Variants in SNRPD3 observed in about 807,000 individuals in gnomAD.
SNRPD3 encodes small nuclear ribonucleoprotein Sm D3.
For missense variants in SNRPD3, 73 were observed against 167.5 expected (o/e 0.44, Z 3.11); for synonymous variants, 66 against 58.4 (o/e 1.13, Z -0.59).
intron 2 of SNRPD3, among the ~76,000 whole-genome samples, chr22:24,560,119 CCTTGCTCTGTCACCCAGGCTGCAGT>C: frequency 1.0e-5 from 1 of 100,228 alleles, no homozygotes; most frequent in Non-Finnish European, 1.9e-5. Context: ...TGAGATGGAG[CCTTGCTCTGTCACCCAGGCTGCAGT>C]CTTGCTCTGT....
chr22:24,561,663 T>C (rs929340842), intron 2 of SNRPD3, among the ~76,000 whole-genome samples: 10 of 152,180 alleles, frequency 6.6e-5, no homozygotes, highest in Admixed American at 5.9e-4. Context: ...AATGAGAACA[T>C]CCTCTTAGCA....
In SNRPD3 at chr22:24,559,382, C is replaced by T. The variant is rs62231172; in HGVS notation, c.126+1582C>T. The stretch of plus-strand genomic sequence containing the variant: ...GTCCTCTGGCTTAAGGCATGCTCAT[C>T]CACTTTAAGGTTCTTTAATTTGGTG... On this transcript the variant is annotated intron_variant, in intron 2 of 3. Coordinates refer to ENST00000215829, the MANE Select transcript of SNRPD3 (RefSeq NM_004175.5). Among the ~76,000 whole-genome samples, 1,374 of 152,268 alleles carry T rather than the reference C, an allele frequency of 9.0e-3. 10 individuals are homozygous for T. The highest frequency in any genetic ancestry group is 0.018 in the South Asian group (88 of 4,830).
At chr22:24,565,176 T>C (rs182099597) in intron 2 of SNRPD3, among the ~76,000 whole-genome samples, 140 of 152,124 alleles carry the variant, frequency 9.2e-4, no homozygotes, top group African/African-American at 3.3e-3. Context: ...TGAACCACTG[T>C]ACCTGGCCTG....
rs371010665 is a variant in SNRPD3, at chr22:24,564,883, C to CTTTTTTTT, written c.127-3101_127-3100insTTTTTTTT. ...GCATTTAGACATACTTTGCCTTGTTCATTTTTTTTTTTTTTTTTTTGACAG... is the reference window on the plus strand; with the variant it reads ...GCATTTAGACATACTTTGCCTTGTTCTTTTTTTTATTTTTTTTTTTTTTTTTTTGACAG... On this transcript the variant is annotated intron_variant, in intron 2 of 3. Transcript: ENST00000215829. 2.4e-5 allele frequency among the ~76,000 whole-genome samples: 3 copies of CTTTTTTTT among 127,164 alleles called. 1 individual carries two copies. The allele number at this position is 127,164 out of a possible 152,430, so 83.4% of individuals were successfully genotyped here.
chr22:24,570,913 G>C (rs969907910), intron 3 of SNRPD3, among the ~76,000 whole-genome samples: 1 of 148,998 alleles, frequency 6.7e-6, no homozygotes, highest in Non-Finnish European at 1.5e-5. Flanking sequence ...CCAACTCCCA[G>C]GTTCAAGTGA....
chr22:24,562,631 A>G (rs995522938), intron 2 of SNRPD3, among the ~76,000 whole-genome samples: 6 of 152,064 alleles, frequency 3.9e-5, no homozygotes, highest in African/African-American at 1.4e-4. Flanking sequence ...GGATCACTTG[A>G]GCCCACCCAG....
chr22:24,562,549 A>G (rs2045153748), intron 2 of SNRPD3, among the ~76,000 whole-genome samples: 1 of 151,726 alleles, frequency 6.6e-6, no homozygotes, highest in Admixed American at 6.6e-5. Flanking sequence ...ATCTCCAAAA[A>G]TAAAAAATAT....
intron 2 of SNRPD3, among the ~76,000 whole-genome samples, chr22:24,563,248 G>GTA (rs1490042128): frequency 6.5e-3 from 45 of 6,882 alleles, no homozygotes; most frequent in Non-Finnish European, 0.02. Context: ...GTGTGTATGT[G>GTA]TGTATGTATG....
chr22:24,562,056 C>T (rs1422619189), intron 2 of SNRPD3, among the ~76,000 whole-genome samples: 3 of 152,100 alleles, frequency 2.0e-5, no homozygotes, highest in Non-Finnish European at 1.5e-5. Flanking sequence ...GAGGATCTCA[C>T]TCTGTTGCCC....
chr22:24,568,868 T>C (rs1160629181), intron 3 of SNRPD3, among the ~76,000 whole-genome samples: 1 of 152,188 alleles, frequency 6.6e-6, no homozygotes, highest in East Asian at 1.9e-4. Flanking sequence ...TTTTATTTTA[T>C]TTATTTATTT....
Position 24,572,184 on chromosome 22 carries a change from A to C in SNRPD3, c.*207A>C. The C allele has an allele frequency of 9.5e-7, 1 of 1,054,954 alleles. No homozygotes were observed. The highest frequency in any genetic ancestry group is 1.4e-6 in the Non-Finnish European group (1 of 717,338). 65.3% of individuals were successfully genotyped at this position (1,054,954 alleles called of 1,614,324 possible). The stretch of plus-strand genomic sequence containing the variant: ...AAATAAGGACTTTGTGTTCATTTGA[A>C]GTTTGCTTTGGCTAAATTTTGACAC... On this transcript the variant is annotated 3_prime_UTR_variant, in exon 4 of 4. Transcript: ENST00000215829.
In SNRPD3 at chr22:24,573,011, C is replaced by T. The variant is rs979843895; in HGVS notation, c.*1034C>T. On this transcript the variant is annotated 3_prime_UTR_variant, in exon 4 of 4. Transcript: ENST00000215829. The stretch of plus-strand genomic sequence containing the variant: ...GTTTGAGAGGAGTTCAAAACCAGCC[C>T]GCGAGACATAGTGAGACCCTGTCTC... Among the ~76,000 whole-genome samples the T allele has an allele frequency of 2.6e-5, 4 of 151,928 alleles. No homozygotes were observed. Among genetic ancestry groups the T allele is most frequent in the Non-Finnish European group, 4.4e-5 (3 of 68,000 alleles).
chr22:24,570,226 T>C (rs752225646), intron 3 of SNRPD3, among the ~76,000 whole-genome samples: 1 of 152,220 alleles, frequency 6.6e-6, no homozygotes. Flanking sequence ...GGTCCTGCCT[T>C]GGGCAGGTGA....
chr22:24,563,206 A>ATGTGTGTGTGTGTGTG (rs1177387267), intron 2 of SNRPD3, among the ~76,000 whole-genome samples: 20 of 106,258 alleles, frequency 1.9e-4, no homozygotes, highest in African/African-American at 5.0e-4. Context: ...TGTCTCATAT[A>ATGTGTGTGTGTGTGTG]TGTGTGTGTG....
At chr22:24,561,263 G>A (rs560060736) in intron 2 of SNRPD3, among the ~76,000 whole-genome samples, 5 of 151,462 alleles carry the variant, frequency 3.3e-5, no homozygotes, top group African/African-American at 1.2e-4. Flanking sequence ...TTGTAGAGAC[G>A]GAGTCTTGAT....
intron 3 of SNRPD3, 112 bp downstream of exon 3, chr22:24,568,288 A>G: frequency 1.4e-6 from 1 of 692,880 alleles, no homozygotes; most frequent in Non-Finnish European, 2.4e-6. Context: ...CTCTCTCCAC[A>G]CCCACCACCC....
rs775955506 is a variant in SNRPD3, at chr22:24,573,931, A to T, written c.*1954A>T. The stretch of plus-strand genomic sequence containing the variant: ...GTTTTCAACATCAACTAAGGATCTT[A>T]TTAGAAATGAAGACTGCAAGCCGCA... On this transcript the variant is annotated 3_prime_UTR_variant, in exon 4 of 4. Coordinates refer to ENST00000215829, the MANE Select transcript of SNRPD3 (RefSeq NM_004175.5). Among the ~76,000 whole-genome samples the T allele has an allele frequency of 4.6e-5, 7 of 152,204 alleles. No individual in the cohort carries two copies. The highest frequency in any genetic ancestry group is 5.9e-5 in the Non-Finnish European group (4 of 68,038).
intron 3 of SNRPD3, among the ~76,000 whole-genome samples, chr22:24,568,918 A>G (rs144475487): frequency 7.8e-4 from 119 of 152,296 alleles, no homozygotes; most frequent in African/African-American, 2.6e-3. Flanking sequence ...CATGTTGGTC[A>G]GGCTGGTCTT....
Position 24,568,243 on chromosome 22 carries a change from A to G in SNRPD3, c.319+67A>G, listed in dbSNP as rs1266389704. The G allele has an allele frequency of 1.4e-5, 17 of 1,249,598 alleles. No individual in the cohort carries two copies. The Admixed American group carries it at 1.9e-4, about 14-fold the overall frequency. 77.4% of individuals were successfully genotyped at this position (1,249,598 alleles called of 1,614,324 possible). ...CTTGTGTCTTGTAGAAAGGGGCCCT[A>G]TTACTGCCTGGAGACAGAGAGGGTT... On this transcript the variant is annotated intron_variant, in intron 3 of 3. Transcript: ENST00000215829.
Sources: gnomAD v4.1 joint callset for allele counts (sites outside exome capture counted in the v4.1 genomes callset) on GRCh38, gnomAD v4.1.1 for gene constraint, MANE v1.5 for transcripts, NCBI Gene and HGNC (gene_info 2026-07-23, HGNC 2026-07-21) for gene names.